ASPH: variants seen among roughly 807,000 people sequenced by gnomAD.
ASPH encodes aspartyl/asparaginyl beta-hydroxylase.
In ASPH, 100 loss-of-function variants were observed where a neutral mutation model predicts 118.4. The ratio of observed to expected loss-of-function variants is 0.84; its 90% CI spans 0.72 to 1.00. ASPH has a LOEUF of 1.00. Among genes scored for constraint, ASPH ranks in the 50% least tolerant of loss-of-function variants. The probability of loss-of-function intolerance (pLI) is 0.00; values close to 1 mark genes in which losing one functional copy is unlikely to be tolerated. For missense variants in ASPH, 920 were observed against 919.5 expected (o/e 1.00, Z -0.01); for synonymous variants, 315 against 325.6 (o/e 0.97, Z 0.35).
At chr8:61,630,281 G>A (rs1381528377) in intron 13 of ASPH, among the ~76,000 whole-genome samples, 1 of 152,162 alleles carries the variant, frequency 6.6e-6, no homozygotes, top group Non-Finnish European at 1.5e-5. Flanking sequence ...TCCTCAATTT[G>A]AGTCTTCCAC....
intron 24 of ASPH, among the ~76,000 whole-genome samples, chr8:61,514,846 A>T (rs1446462285): frequency 6.6e-6 from 1 of 152,094 alleles, no homozygotes; most frequent in Non-Finnish European, 1.5e-5. Flanking sequence ...GATTATAGGC[A>T]TGAACCACCT....
chr8:61,630,240 A>G (rs894434041), intron 13 of ASPH, among the ~76,000 whole-genome samples: 1 of 152,170 alleles, frequency 6.6e-6, no homozygotes. Flanking sequence ...GGAAAAGAAA[A>G]AGTGAACTAA....
At chr8:61,635,952 G>T (rs1336679048) in intron 12 of ASPH, among the ~76,000 whole-genome samples, 6 of 152,154 alleles carry the variant, frequency 3.9e-5, no homozygotes, top group Non-Finnish European at 7.3e-5. Context: ...TATATCTTAA[G>T]AATTTTCATA....
At chr8:61,575,832 C>T (rs1018368205) in intron 16 of ASPH, among the ~76,000 whole-genome samples, 5 of 152,276 alleles carry the variant, frequency 3.3e-5, no homozygotes, top group African/African-American at 9.6e-5. Context: ...CACGCCTCCT[C>T]GACTTTAATC....
chr8:61,503,577 T>C (rs771362470), intron 24 of ASPH, 68 bp from the exon 25 acceptor site: 37 of 1,438,830 alleles, frequency 2.6e-5, no homozygotes, highest in Non-Finnish European at 3.0e-5. Context: ...GATCGATTCC[T>C]GTCCATGTGC....
chr8:61,538,637 T>C (rs533032642), intron 21 of ASPH, among the ~76,000 whole-genome samples: 1 of 152,332 alleles, frequency 6.6e-6, no homozygotes, highest in South Asian at 2.1e-4. Flanking sequence ...TCATACACAA[T>C]GGATTTCTTA....
At chr8:61,541,072 A>G (rs934141809) in intron 21 of ASPH, among the ~76,000 whole-genome samples, 21 of 152,236 alleles carry the variant, frequency 1.4e-4, no homozygotes, top group African/African-American at 5.1e-4. Context: ...ATCCTGGTTA[A>G]CAAGGGGAAA....
At chr8:61,705,248 G>C (rs1459130874) in intron 1 of ASPH, among the ~76,000 whole-genome samples, 1 of 152,160 alleles carries the variant, frequency 6.6e-6, no homozygotes, top group East Asian at 1.9e-4. Context: ...CTACTTGAGG[G>C]TGGAGGGTGG....
rs141056493 is a variant in ASPH, at chr8:61,619,319, A to C, written c.935-300T>G. On this transcript the variant is annotated intron_variant, in intron 13 of 24. Transcript: ENST00000379454. ...GAGTGGGTGATGTACATCAACTCCAAGTGTCTCTAAGGTACAAAGACATGT... is the reference window on the plus strand; with the variant it reads ...GAGTGGGTGATGTACATCAACTCCACGTGTCTCTAAGGTACAAAGACATGT... Among the ~76,000 whole-genome samples the C allele has an allele frequency of 1.7e-3, 258 of 152,304 alleles. 1 individual carries two copies. Among genetic ancestry groups the C allele is most frequent in the African/African-American group, 5.9e-3 (245 of 41,570 alleles).
intron 16 of ASPH, among the ~76,000 whole-genome samples, chr8:61,572,077 A>G (rs557325198): frequency 6.6e-6 from 1 of 152,370 alleles, no homozygotes; most frequent in Non-Finnish European, 1.5e-5. Context: ...TATATTAATT[A>G]CTTTTTAATG....
chr8:61,687,929 T>C (rs2151744390), intron 1 of ASPH, among the ~76,000 whole-genome samples: 1 of 152,280 alleles, frequency 6.6e-6, no homozygotes, highest in South Asian at 2.1e-4. Context: ...AGGAACAAAA[T>C]ACTAAGTTAT....
chr8:61,632,763 CT>C (rs1856161802), intron 13 of ASPH: 4 of 277,564 alleles, frequency 1.4e-5, no homozygotes, highest in South Asian at 6.8e-5. Flanking sequence ...TTATTTTATC[CT>C]TTTTTATCAT....
intron 4 of ASPH, among the ~76,000 whole-genome samples, chr8:61,652,528 T>C (rs1811534093): frequency 6.6e-6 from 1 of 151,894 alleles, no homozygotes; most frequent in Non-Finnish European, 1.5e-5. Flanking sequence ...TGTAATGGGT[T>C]AAAAAAAATG....
At chr8:61,643,794 C>T in intron 8 of ASPH, 151 bp downstream of exon 8, 1 of 701,492 alleles carries the variant, frequency 1.4e-6, no homozygotes, top group Non-Finnish European at 2.5e-6. Flanking sequence ...TATATTCAGA[C>T]ATTTCTATAA....
intron 1 of ASPH, among the ~76,000 whole-genome samples, chr8:61,700,599 G>A (rs1347494135): frequency 6.6e-6 from 1 of 152,020 alleles, no homozygotes; most frequent in Non-Finnish European, 1.5e-5. Flanking sequence ...GCTTCCATAT[G>A]TCGGGCTCAA....
intron 24 of ASPH, among the ~76,000 whole-genome samples, chr8:61,515,621 C>T (rs916646020): frequency 6.6e-6 from 1 of 152,198 alleles, no homozygotes; most frequent in Admixed American, 6.5e-5. Flanking sequence ...TCTCTATTTC[C>T]AGCCACCTCC....
intron 3 of ASPH, chr8:61,665,321 C>G (rs1308950071): frequency 1.2e-6 from 2 of 1,613,482 alleles, no homozygotes; most frequent in Non-Finnish European, 1.7e-6. Flanking sequence ...ACTTTCCTTT[C>G]TGTCATCTTT....
intron 16 of ASPH, among the ~76,000 whole-genome samples, chr8:61,575,113 T>C (rs906181120): frequency 2.0e-5 from 3 of 152,202 alleles, no homozygotes; most frequent in African/African-American, 7.2e-5. Flanking sequence ...CAGAGAGACC[T>C]TTCCTGCCCA....
At chr8:61,588,741 C>T (rs1312379118) in intron 14 of ASPH, among the ~76,000 whole-genome samples, 1 of 152,148 alleles carries the variant, frequency 6.6e-6, no homozygotes, top group African/African-American at 2.4e-5. Context: ...GGGATGCCCT[C>T]CTAGCAATCC....
Sources: allele counts gnomAD v4.1 joint callset (sites outside exome capture counted in the v4.1 genomes callset), GRCh38; gene constraint gnomAD v4.1.1; transcripts MANE v1.5; gene names NCBI Gene and HGNC (gene_info 2026-07-23, HGNC 2026-07-21).